Variants in SFMBT1 observed in about 807,000 individuals in gnomAD.
SFMBT1 encodes scm-like with four MBT domains protein 1.
Under a neutral mutation model 108.7 loss-of-function variants are expected in SFMBT1, and 32 were observed. That is an observed-to-expected ratio of 0.29 (90% confidence interval 0.22 to 0.40). The LOEUF is 0.40. Among genes scored for constraint, SFMBT1 ranks in the 10% least tolerant of loss-of-function variants. The pLI is 1.00. For missense variants in SFMBT1, 816 were observed against 1,059.6 expected, an observed-to-expected ratio of 0.77 and a Z score of 3.19; for synonymous variants, 348 against 369.5, an observed-to-expected ratio of 0.94 and a Z score of 0.67.
At chr3:52,934,485 GAGTT>G (rs1702947047) in intron 5 of SFMBT1, among the ~76,000 whole-genome samples, 1 of 150,976 alleles carries the variant, frequency 6.6e-6, no homozygotes, top group Non-Finnish European at 1.5e-5. Flanking sequence ...CCTGGTGTGG[GAGTT>G]ACAAATGTCC....
chr3:52,952,649 G>T (rs1703632773), intron 3 of SFMBT1, among the ~76,000 whole-genome samples: 1 of 152,150 alleles, frequency 6.6e-6, no homozygotes, highest in Non-Finnish European at 1.5e-5. Flanking sequence ...CAAAGATGGT[G>T]CCTTCTTGCT....
intron 1 of SFMBT1, among the ~76,000 whole-genome samples, chr3:53,039,812 C>T (rs749349638): frequency 7.9e-5 from 12 of 151,370 alleles, no homozygotes; most frequent in Non-Finnish European, 1.0e-4. Context: ...TTTTGGTATA[C>T]TTTTTTTTTA....
chr3:52,995,773 G>A (rs759962754), intron 1 of SFMBT1, among the ~76,000 whole-genome samples: 8 of 149,734 alleles, frequency 5.3e-5, no homozygotes, highest in Non-Finnish European at 7.5e-5. Flanking sequence ...AGTTTAAAAC[G>A]TTTGCTCTTC....
intron 1 of SFMBT1, among the ~76,000 whole-genome samples, chr3:52,990,518 A>G (rs1244107657): frequency 6.6e-6 from 1 of 151,484 alleles, no homozygotes; most frequent in Non-Finnish European, 1.5e-5. Context: ...ATCTTTAAAG[A>G]AAAAAAATCA....
intron 2 of SFMBT1, among the ~76,000 whole-genome samples, chr3:52,958,486 G>C (rs888511852): frequency 4.6e-5 from 7 of 152,294 alleles, no homozygotes; most frequent in Admixed American, 3.9e-4. Context: ...ATCTACTCAG[G>C]AGGCTGAGGC....
intron 2 of SFMBT1, among the ~76,000 whole-genome samples, chr3:52,956,863 A>G (rs1190345387): frequency 6.6e-6 from 1 of 152,240 alleles, no homozygotes; most frequent in Non-Finnish European, 1.5e-5. Flanking sequence ...CCCACAGCCA[A>G]TATCATACTG....
rs200313029 is a variant in SFMBT1, at chr3:52,926,022, G to C, written c.1131+9C>G. 1 of 1,605,964 alleles carries C rather than the reference G, an allele frequency of 6.2e-7. No individual in the cohort carries two copies. Among genetic ancestry groups the C allele is most frequent in the Non-Finnish European group, 8.5e-7 (1 of 1,177,012 alleles). The stretch of plus-strand genomic sequence containing the variant: ...GCCATAGTGGCCATGAGGCCGTGGG[G>C]GTCCTCACCGGAGGGAAGCACCTCT... On this transcript the variant is annotated intron_variant, in intron 10 of 20. Coordinates refer to ENST00000394752, the MANE Select transcript of SFMBT1 (RefSeq NM_016329.4).
In SFMBT1 at chr3:53,040,626, T is replaced by TAA. The variant is rs11444774; in HGVS notation, c.-131+5188_-131+5189dup. Among the ~76,000 whole-genome samples the TAA allele has an allele frequency of 2.2e-3, 300 of 138,570 alleles. 6 individuals are homozygous for TAA. In the South Asian group the frequency reaches 0.06, roughly 28 times the overall value. The allele number at this position is 138,570 out of a possible 152,430, so 90.9% of individuals were successfully genotyped here. On this transcript the variant is annotated intron_variant, in intron 1 of 20. Transcript: ENST00000394752. ...CAATGCACCAGACCAGTATGCCAGT[T>TAA]AAAAAAAAAAAAAAAGACCCAATGC...
chr3:53,038,780 C>T (rs987394840), intron 1 of SFMBT1, among the ~76,000 whole-genome samples: 3 of 152,182 alleles, frequency 2.0e-5, no homozygotes, highest in African/African-American at 7.2e-5. Flanking sequence ...TAAACACGTA[C>T]TAGTTTTCTA....
At chr3:52,907,373 T>C in intron 18 of SFMBT1, 59 bp from the exon 19 acceptor site, 1 of 1,549,044 alleles carries the variant, frequency 6.5e-7, no homozygotes. Context: ...AGGTTTCATA[T>C]GATTAAAAAA....
intron 1 of SFMBT1, among the ~76,000 whole-genome samples, chr3:52,998,341 G>A (rs1200768848): frequency 2.7e-5 from 4 of 150,264 alleles, no homozygotes; most frequent in South Asian, 2.1e-4. Context: ...GCGGTGAGCC[G>A]AGATCGCGCC....
At chr3:52,956,246 G>C (rs1703779325) in intron 2 of SFMBT1, among the ~76,000 whole-genome samples, 1 of 152,208 alleles carries the variant, frequency 6.6e-6, no homozygotes, top group South Asian at 2.1e-4. Context: ...CAGATCACGA[G>C]GTCAAGAGAT....
At chr3:52,908,318 C>T (rs1395335395) in intron 17 of SFMBT1, among the ~76,000 whole-genome samples, 3 of 151,916 alleles carry the variant, frequency 2.0e-5, no homozygotes, top group Admixed American at 1.3e-4. Context: ...ATGATCTGCC[C>T]GCCTTGGCCT....
intron 1 of SFMBT1, among the ~76,000 whole-genome samples, chr3:53,007,880 T>TA (rs1387662731): frequency 6.6e-6 from 1 of 152,148 alleles, no homozygotes; most frequent in Non-Finnish European, 1.5e-5. Flanking sequence ...CTGCCAAAGA[T>TA]ACGCAACCTG....
intron 10 of SFMBT1, among the ~76,000 whole-genome samples, chr3:52,924,854 T>C (rs1702614516): frequency 1.3e-5 from 2 of 152,112 alleles, no homozygotes; most frequent in South Asian, 4.1e-4. Context: ...GCAGCAGCAA[T>C]AGATAAAATT....
chr3:53,044,125 A>G (rs1180039523), intron 1 of SFMBT1, among the ~76,000 whole-genome samples: 1 of 152,198 alleles, frequency 6.6e-6, no homozygotes, highest in Non-Finnish European at 1.5e-5. Context: ...AATCTATTCA[A>G]ATAATCATAT....
intron 17 of SFMBT1, among the ~76,000 whole-genome samples, chr3:52,908,976 A>C (rs1702149579): frequency 6.6e-6 from 1 of 152,224 alleles, no homozygotes; most frequent in Non-Finnish European, 1.5e-5. Context: ...TGTTTCAGCT[A>C]TTCTAGATCC....
intron 1 of SFMBT1, among the ~76,000 whole-genome samples, chr3:52,975,612 T>A (rs1472166928): frequency 6.6e-6 from 1 of 152,162 alleles, no homozygotes; most frequent in Non-Finnish European, 1.5e-5. Context: ...TTTTTTTGTT[T>A]GTTTGTTTTG....
At chr3:53,041,488 A>G (rs908197275) in intron 1 of SFMBT1, among the ~76,000 whole-genome samples, 1 of 152,128 alleles carries the variant, frequency 6.6e-6, no homozygotes, top group Admixed American at 6.5e-5. Flanking sequence ...ACCTGAGATC[A>G]GGAGTTCAAG....
Sources: gnomAD v4.1 joint callset for allele counts (sites outside exome capture counted in the v4.1 genomes callset) on GRCh38, gnomAD v4.1.1 for gene constraint, MANE v1.5 for transcripts, NCBI Gene and HGNC (gene_info 2026-07-23, HGNC 2026-07-21) for gene names.